The following SUMF2 variants were observed in gnomAD, a reference collection of about 807,000 sequenced individuals.
The protein encoded by SUMF2 is inactive C-alpha-formylglycine-generating enzyme 2.
SUMF2 carries 45 observed loss-of-function variants against 44.8 expected under a neutral mutation model. The observed-to-expected ratio is 1.00, with a 90% confidence interval of 0.79 to 1.29. The LOEUF (loss-of-function observed/expected upper bound fraction) is 1.29. Among genes scored for constraint, SUMF2 ranks in the 50% most tolerant of loss-of-function variants. The probability of loss-of-function intolerance (pLI) is 0.00; values close to 1 mark genes in which losing one functional copy is unlikely to be tolerated. For synonymous variants in SUMF2, 148 were observed against 150.4 expected (o/e 0.98, Z 0.12); for missense variants, 418 against 389.9 (o/e 1.07, Z -0.61).
In SUMF2 at chr7:56,079,747, C is replaced by T. The variant is rs1192251058; in HGVS notation, c.*135C>T. 5.7e-6 allele frequency: 9 copies of T among 1,570,958 alleles called. No individual in the cohort carries two copies. Among genetic ancestry groups the T allele is most frequent in the Non-Finnish European group, 6.9e-6 (8 of 1,157,388 alleles). Reference sequence around the variant, plus strand: ...TTCCCCTTCCCTGTCTCCCATCCCTCTGTGGCAGGCGCCTCTCACCAGGGC... The same window carrying T: ...TTCCCCTTCCCTGTCTCCCATCCCTTTGTGGCAGGCGCCTCTCACCAGGGC... On this transcript the variant is annotated 3_prime_UTR_variant, in exon 9 of 9. Coordinates refer to ENST00000434526, the MANE Select transcript of SUMF2 (RefSeq NM_015411.4).
downstream of SUMF2, chr7:56,083,626 A>G (rs778940731): frequency 6.4e-7 from 1 of 1,565,670 alleles, no homozygotes; most frequent in South Asian, 1.1e-5. Context: ...GAGGGAGCGG[A>G]GAGAAGGGCA....
chr7:56,064,741 G>A (rs1193780153), intron 1 of SUMF2, among the ~76,000 whole-genome samples: 5 of 151,406 alleles, frequency 3.3e-5, no homozygotes, highest in Admixed American at 2.6e-4. Flanking sequence ...CAACTATCCG[G>A]GCGTGGCGGC....
downstream of SUMF2, chr7:56,083,601 C>T (rs200897233): frequency 2.6e-6 from 4 of 1,533,742 alleles, no homozygotes; most frequent in East Asian, 9.3e-5. Flanking sequence ...GTGCCTGTGG[C>T]CCTAAGCCAC....
At chr7:56,084,637 T>C (rs1404620917), downstream of SUMF2, among the ~76,000 whole-genome samples, 1 of 151,622 alleles carries the variant, frequency 6.6e-6, no homozygotes, top group African/African-American at 2.4e-5. Context: ...CCTCCCAAAG[T>C]GTTGGGATTA....
intron 5 of SUMF2, 90 bp downstream of exon 5, chr7:56,074,826 A>C (rs4948104): frequency 2.0e-6 from 3 of 1,537,914 alleles, no homozygotes; most frequent in Non-Finnish European, 2.7e-6. Flanking sequence ...GGCTGGGCGC[A>C]GTGGCTTATG....
rs1343905304 is a variant in SUMF2 at position 56,070,529 on chromosome 7, T to C, written c.224+1891T>C. On this transcript the variant is annotated intron_variant, in intron 2 of 8. Coordinates refer to ENST00000434526, the MANE Select transcript of SUMF2 (RefSeq NM_015411.4). ...CTTGTAGTCTCAGCTATTAGGGAGG[T>C]TGAGGCAGGAGGATCACTTGAGTGT... Among the ~76,000 whole-genome samples the C allele has an allele frequency of 1.1e-4, 16 of 151,086 alleles. No homozygotes were observed. In the East Asian group the frequency reaches 2.9e-3, roughly 28 times the overall value.
intron 1 of SUMF2, among the ~76,000 whole-genome samples, chr7:56,068,031 C>CTTTT (rs565131237): frequency 1.0e-3 from 111 of 110,324 alleles, no homozygotes; most frequent in African/African-American, 1.5e-3. Flanking sequence ...TTTTTTCTTT[C>CTTTT]TTTTTTTTTT....
At chr7:56,083,119 AAG>A, downstream of SUMF2, 1 of 654,972 alleles carries the variant, frequency 1.5e-6, no homozygotes, top group Non-Finnish European at 2.5e-6. Context: ...AAAAAAAAAA[AAG>A]AAAGAAAAAG....
At chr7:56,074,306 A>G (rs754200185) in intron 4 of SUMF2, 88 bp downstream of exon 4, 136 of 1,357,156 alleles carry the variant, frequency 1.0e-4, no homozygotes, top group Non-Finnish European at 1.3e-4. Context: ...TCGTACATCC[A>G]GGAACACTGA....
chr7:56,081,531 A>T, downstream of SUMF2: 5 of 1,402,922 alleles, frequency 3.6e-6, no homozygotes, highest in Non-Finnish European at 3.0e-6. The surrounding 1 kb of genome is among the most constrained non-coding windows in gnomAD (Gnocchi z 4.6). Flanking sequence ...AGGGATGGGT[A>T]CTCTGGAAAT....
intron 8 of SUMF2, chr7:56,079,277 TG>T: frequency 1.8e-6 from 1 of 566,338 alleles, no homozygotes; most frequent in African/African-American, 1.9e-5. Flanking sequence ...TGCTGTCTCT[TG>T]GGGCCACTGT....
downstream of SUMF2, chr7:56,080,731 A>C: frequency 2.7e-6 from 1 of 366,218 alleles, no homozygotes; most frequent in Non-Finnish European, 5.1e-6. Flanking sequence ...GAGTGTCAGT[A>C]ACTCTGGGCC....
At chr7:56,078,894 C>T (rs553054208) in intron 8 of SUMF2, 60 of 476,842 alleles carry the variant, frequency 1.3e-4, no homozygotes, top group South Asian at 1.1e-3. Flanking sequence ...GGTGGGCACA[C>T]GAAAAATCTT....
chr7:56,066,029 C>T (rs1794762433), intron 1 of SUMF2, among the ~76,000 whole-genome samples: 3 of 137,858 alleles, frequency 2.2e-5, no homozygotes, highest in South Asian at 2.2e-4. Context: ...TGCAGTTTTC[C>T]GAGATCGGGC....
Position 56,080,622 on chromosome 7 carries a change from T to C in SUMF2, c.*1010T>C, listed in dbSNP as rs1251248656. The C allele has an allele frequency of 4.8e-6, 1 of 207,942 alleles. No homozygotes were observed. Among genetic ancestry groups the C allele is most frequent in the Non-Finnish European group, 9.8e-6 (1 of 102,158 alleles). The allele number at this position is 207,942 out of a possible 1,614,324, so 12.9% of individuals were successfully genotyped here. Reference sequence around the variant, plus strand: ...TGGAGAGTAGCCTGCTCCCACACTGTCACTGGATGTCATGGGGCCAATAAA... The same window carrying C: ...TGGAGAGTAGCCTGCTCCCACACTGCCACTGGATGTCATGGGGCCAATAAA... On this transcript the variant is annotated 3_prime_UTR_variant, in exon 9 of 9. Transcript: ENST00000434526.
chr7:56,080,124 C>T lies in SUMF2; in HGVS notation c.*512C>T. ...TAGTTTCCACTGTGTAACAGGCAGACATGTAACTATTTAAAGCACAGTTCA... is the reference window on the plus strand; with the variant it reads ...TAGTTTCCACTGTGTAACAGGCAGATATGTAACTATTTAAAGCACAGTTCA... On this transcript the variant is annotated 3_prime_UTR_variant, in exon 9 of 9. Coordinates refer to ENST00000434526, the MANE Select transcript of SUMF2 (RefSeq NM_015411.4). The T allele has an allele frequency of 2.0e-6, 1 of 497,264 alleles. No homozygotes were observed. The highest frequency in any genetic ancestry group is 3.7e-5 in the Admixed American group (1 of 27,274). The allele number at this position is 497,264 out of a possible 1,614,324, so 30.8% of individuals were successfully genotyped here.
chr7:56,083,615 G>A, downstream of SUMF2: 3 of 1,553,806 alleles, frequency 1.9e-6, no homozygotes, highest in Non-Finnish European at 1.8e-6. Context: ...AAGCCACGTG[G>A]GAGGGAGCGG....
In SUMF2 at chr7:56,080,155, A is replaced by G. The variant is rs186076985; in HGVS notation, c.*543A>G. 4 of 380,768 alleles carry G rather than the reference A, an allele frequency of 1.1e-5. No individual in the cohort carries two copies. In the South Asian group the frequency reaches 1.2e-4, roughly 12 times the overall value. 23.6% of individuals were successfully genotyped at this position (380,768 alleles called of 1,614,324 possible). On this transcript the variant is annotated 3_prime_UTR_variant, in exon 9 of 9. Coordinates refer to ENST00000434526, the MANE Select transcript of SUMF2 (RefSeq NM_015411.4). ...ACTATTTAAAGCACAGTTCAGTCCT[A>G]AAAGGGTCTGGGAGAACCAGATGAT...
chr7:56,079,562 C>G lies in SUMF2; in HGVS notation c.856C>G (p.Leu286Val). ...GNTPDSASDN[L>V]GFRCAADAGR... ...CACTCCAGATTCAGCCTCAGACAACCTCGGTTTCCGCTGTGCTGCAGACGC... is the reference window on the plus strand; with the variant it reads ...CACTCCAGATTCAGCCTCAGACAACGTCGGTTTCCGCTGTGCTGCAGACGC... The change falls in exon 9 of 9, where the codon CTC (leucine) becomes GTC (valine). Residue 286 changes from leucine (L) to valine (V), a missense_variant. Leu to Val is a conservative substitution (Grantham distance 32). Transcript: ENST00000434526. 1 of 1,614,018 alleles carries G rather than the reference C, an allele frequency of 6.2e-7. No homozygotes were observed.
Sources: allele counts gnomAD v4.1 joint callset (sites outside exome capture counted in the v4.1 genomes callset), GRCh38; gene constraint gnomAD v4.1.1; non-coding constraint Gnocchi (gnomAD v3.1); transcripts MANE v1.5; gene names NCBI Gene and HGNC (gene_info 2026-07-23, HGNC 2026-07-21).